Variants in SH3GL2 observed in about 807,000 individuals in gnomAD.
SH3GL2 encodes the protein SH3 domain containing GRB2 like 2, endophilin A1, also known as endophilin-A1.
Under a neutral mutation model 46.0 loss-of-function variants are expected in SH3GL2, and 24 were observed. That is an observed-to-expected ratio of 0.52 (90% CI 0.38 to 0.73). The LOEUF (loss-of-function observed/expected upper bound fraction) is 0.73. Among genes scored for constraint, SH3GL2 ranks in the 30% least tolerant of loss-of-function variants. SH3GL2 has a pLI of 0.00. For missense variants in SH3GL2, 413 were observed against 424.2 expected, an observed-to-expected ratio of 0.97 and a Z score of 0.23; for synonymous variants, 196 against 147.1, an observed-to-expected ratio of 1.33 and a Z score of -2.40.
chr9:17,741,103 A>G (rs1160478979), intron 1 of SH3GL2, among the ~76,000 whole-genome samples: 1 of 152,206 alleles, frequency 6.6e-6, no homozygotes, highest in Non-Finnish European at 1.5e-5. Flanking sequence ...ATTAGGCAGG[A>G]TAATTTATGA....
intron 1 of SH3GL2, among the ~76,000 whole-genome samples, chr9:17,719,395 T>G (rs1821837958): frequency 6.6e-6 from 1 of 152,140 alleles, no homozygotes; most frequent in South Asian, 2.1e-4. Context: ...TCTGCCAAAT[T>G]CAGAGCAGCT....
intron 1 of SH3GL2, among the ~76,000 whole-genome samples, chr9:17,739,336 G>T (rs1244004422): frequency 2.0e-5 from 3 of 151,182 alleles, no homozygotes; most frequent in African/African-American, 7.3e-5. Flanking sequence ...TTTTTCTCAA[G>T]GGGATTTATG....
rs1275197147 is a variant in SH3GL2, at chr9:17,787,461, A to T, written c.413A>T (p.Asn138Ile). The change falls in exon 5 of 9, where the codon AAC becomes ATC. Residue 138 changes from asparagine to isoleucine, a missense_variant. Asn to Ile is a moderately radical substitution (Grantham distance 149). This residue lies in a region of SH3GL2 where 160 missense variants were observed against 192.3 expected (regional missense o/e 0.83). Coordinates refer to ENST00000380607, the MANE Select transcript of SH3GL2 (RefSeq NM_003026.5). ...TCTTTGGACATAGAAGTGAAGCAGA[A>T]CTTCATTGACCCTCTTCAGAATCTT... ...KDSLDIEVKQNFIDPLQNLHD... is the reference protein window; with the variant it reads ...KDSLDIEVKQIFIDPLQNLHD... 1 of 1,612,622 alleles carries T rather than the reference A, an allele frequency of 6.2e-7. No homozygotes were observed. The highest frequency in any genetic ancestry group is 1.7e-5 in the Admixed American group (1 of 59,956).
At chr9:17,735,608 T>C (rs1366458717) in intron 1 of SH3GL2, 3 of 162,764 alleles carry the variant, frequency 1.8e-5, no homozygotes, top group Non-Finnish European at 2.6e-5. Flanking sequence ...ATATGTGGGT[T>C]CTACAGGGCC....
At position 17,660,681 on chromosome 9, in the gene SH3GL2, CTAG is replaced by C. The variant is rs577920435; in HGVS notation, c.45+81395_45+81397del. On this transcript the variant is annotated intron_variant, in intron 1 of 8. Transcript: ENST00000380607. ...AATTCCTCCATTGCTCAGTGTTTTT[CTAG>C]GGACACTAGAGAATTTGGACTAGCT... Among the ~76,000 whole-genome samples the C allele has an allele frequency of 8.4e-4, 128 of 152,228 alleles. 1 individual carries two copies. The highest frequency in any genetic ancestry group is 1.5e-4 in the Non-Finnish European group (10 of 68,016).
chr9:17,631,668 G>T (rs745419129), intron 1 of SH3GL2, among the ~76,000 whole-genome samples: 3 of 152,118 alleles, frequency 2.0e-5, no homozygotes, highest in Non-Finnish European at 4.4e-5. Context: ...CCCATGCATA[G>T]TATTTTGGGT....
At chr9:17,596,397 T>C (rs1246496002) in intron 1 of SH3GL2, among the ~76,000 whole-genome samples, 2 of 152,068 alleles carry the variant, frequency 1.3e-5, no homozygotes, top group Non-Finnish European at 2.9e-5. Flanking sequence ...ATTGACACTG[T>C]TTTTTCGTAA....
intron 1 of SH3GL2, among the ~76,000 whole-genome samples, chr9:17,617,167 A>G (rs1819022641): frequency 6.6e-6 from 1 of 152,152 alleles, no homozygotes. Flanking sequence ...GTTGGGTAGT[A>G]TTCTGTTGTA....
At chr9:17,638,156 C>A (rs373590808) in intron 1 of SH3GL2, among the ~76,000 whole-genome samples, 5 of 145,634 alleles carry the variant, frequency 3.4e-5, no homozygotes, top group East Asian at 4.1e-4. Flanking sequence ...GACTCCCTCT[C>A]AAAAAAAAAA....
chr9:17,617,787 T>C (rs1819038864), intron 1 of SH3GL2, among the ~76,000 whole-genome samples: 1 of 152,174 alleles, frequency 6.6e-6, no homozygotes, highest in Non-Finnish European at 1.5e-5. Context: ...ACCTCTCTGG[T>C]CCTATTGCTT....
intron 1 of SH3GL2, among the ~76,000 whole-genome samples, chr9:17,684,529 A>G (rs538798093): frequency 1.8e-4 from 27 of 152,260 alleles, no homozygotes; most frequent in African/African-American, 6.3e-4. Flanking sequence ...ATAGTGTGGT[A>G]TAAAATAGTG....
chr9:17,736,174 G>C lies in SH3GL2; in HGVS notation c.46-10892G>C, dbSNP rs370666377. The stretch of plus-strand genomic sequence containing the variant: ...CAGCCCAAGATTATAAATGAAATGT[G>C]TTTGTGTGTTTATATGTGTGTGTAT... On this transcript the variant is annotated intron_variant, in intron 1 of 8. Transcript: ENST00000380607. 2.6e-5 allele frequency among the ~76,000 whole-genome samples: 4 copies of C among 152,158 alleles called. No homozygotes were observed. The East Asian group carries it at 7.8e-4, about 29-fold the overall frequency.
intron 1 of SH3GL2, among the ~76,000 whole-genome samples, chr9:17,721,905 G>A (rs1162650046): frequency 6.6e-6 from 1 of 152,058 alleles, no homozygotes; most frequent in Non-Finnish European, 1.5e-5. Context: ...AGGAAAATTA[G>A]GACAATGAGA....
At position 17,614,461 on chromosome 9, in the gene SH3GL2, G is replaced by T. The variant is rs77318590; in HGVS notation, c.45+35174G>T. ...TGGATTTCAGGGATCCCTGTGGACT[G>T]GCCCACTAAAGATCTGTGTCAGTAT... On this transcript the variant is annotated intron_variant, in intron 1 of 8. Transcript: ENST00000380607. Among the ~76,000 whole-genome samples the T allele has an allele frequency of 6.2e-4, 95 of 152,116 alleles. 1 individual carries two copies. The East Asian group carries it at 0.017, about 27-fold the overall frequency.
chr9:17,730,958 C>T (rs1267945389), intron 1 of SH3GL2, among the ~76,000 whole-genome samples: 5 of 151,998 alleles, frequency 3.3e-5, no homozygotes, highest in Non-Finnish European at 7.4e-5. Context: ...ACTTAGAGAA[C>T]GGGATGTTTT....
intron 1 of SH3GL2, among the ~76,000 whole-genome samples, chr9:17,650,528 C>T (rs1244111004): frequency 9.9e-5 from 15 of 152,176 alleles, no homozygotes; most frequent in South Asian, 2.1e-4. Context: ...TGTGCCACCA[C>T]GCCTGGCTAA....
intron 1 of SH3GL2, among the ~76,000 whole-genome samples, chr9:17,613,941 G>T (rs1236979269): frequency 6.6e-6 from 1 of 152,130 alleles, no homozygotes; most frequent in Non-Finnish European, 1.5e-5. Context: ...TCAAATGAAT[G>T]ACGACAATAC....
At chr9:17,693,986 T>A (rs1821145936) in intron 1 of SH3GL2, among the ~76,000 whole-genome samples, 1 of 152,222 alleles carries the variant, frequency 6.6e-6, no homozygotes, top group Non-Finnish European at 1.5e-5. Context: ...CGCTATATTT[T>A]ATTTTCCTAC....
At chr9:17,683,801 A>G (rs1169650439) in intron 1 of SH3GL2, among the ~76,000 whole-genome samples, 1 of 152,058 alleles carries the variant, frequency 6.6e-6, no homozygotes, top group Non-Finnish European at 1.5e-5. Context: ...ACATTGAGAA[A>G]AACACTGTGG....
Sources: allele counts gnomAD v4.1 joint callset (sites outside exome capture counted in the v4.1 genomes callset), GRCh38; gene constraint gnomAD v4.1.1; regional missense constraint gnomAD v4.1.1; transcripts MANE v1.5; gene names NCBI Gene and HGNC (gene_info 2026-07-23, HGNC 2026-07-21).